The following PHF14 variants were observed in gnomAD, a reference collection of about 807,000 sequenced individuals.
PHF14 encodes PHD finger protein 14.
Under a neutral mutation model 117.9 loss-of-function variants are expected in PHF14, and 55 were observed. The ratio of observed to expected loss-of-function variants is 0.47; its 90% CI spans 0.38 to 0.58. PHF14 has a LOEUF of 0.58. Ranked by LOEUF, PHF14 falls within the 20% of genes least tolerant of loss-of-function variation. The probability of loss-of-function intolerance (pLI) is 0.00; values close to 1 mark genes in which losing one functional copy is unlikely to be tolerated. For missense variants in PHF14, 978 were observed against 1,122.2 expected, an observed-to-expected ratio of 0.87 and a Z score of 1.84; for synonymous variants, 409 against 368.6, an observed-to-expected ratio of 1.11 and a Z score of -1.26.
intron 13 of PHF14, among the ~76,000 whole-genome samples, chr7:11,049,198 C>T (rs370973342): frequency 1.3e-5 from 2 of 152,006 alleles, no homozygotes; most frequent in East Asian, 1.9e-4. Context: ...TAGAGCCTGG[C>T]GCGGTGGCTC....
chr7:11,063,545 T>G, intron 16 of PHF14: 1 of 974,890 alleles, frequency 1.0e-6, no homozygotes, highest in African/African-American at 1.7e-5. Context: ...GAGCTGGTGA[T>G]CCTTTTATTA....
chr7:10,999,653 A>G (rs953848290), intron 4 of PHF14, among the ~76,000 whole-genome samples: 4 of 152,358 alleles, frequency 2.6e-5, no homozygotes, highest in Non-Finnish European at 5.9e-5. Flanking sequence ...TGACATGCTT[A>G]CAGCTATTGA....
intron 17 of PHF14, among the ~76,000 whole-genome samples, chr7:11,165,692 G>A (rs892812910): frequency 1.2e-4 from 19 of 152,176 alleles, no homozygotes; most frequent in African/African-American, 4.6e-4. Context: ...GGAAGGAAAA[G>A]AATGGATAGG....
At chr7:11,165,307 C>G (rs1307583668) in intron 17 of PHF14, among the ~76,000 whole-genome samples, 2 of 152,122 alleles carry the variant, frequency 1.3e-5, no homozygotes, top group African/African-American at 2.4e-5. Context: ...AGGTTATACC[C>G]TGTTGGGAAG....
At chr7:11,096,473 T>A (rs1039285184) in intron 16 of PHF14, among the ~76,000 whole-genome samples, 1 of 152,198 alleles carries the variant, frequency 6.6e-6, no homozygotes, top group Non-Finnish European at 1.5e-5. Flanking sequence ...AGTTTTTGAA[T>A]GCTAATACAG....
intron 16 of PHF14, chr7:11,062,343 A>T (rs905339155): frequency 3.9e-5 from 10 of 254,722 alleles, no homozygotes; most frequent in African/African-American, 1.3e-4. Context: ...AGAGAAATTG[A>T]CAGTGCTCTC....
chr7:11,148,310 T>C (rs1788609264), intron 17 of PHF14, among the ~76,000 whole-genome samples: 1 of 152,202 alleles, frequency 6.6e-6, no homozygotes, highest in Non-Finnish European at 1.5e-5. Flanking sequence ...GTAGTCAACT[T>C]AACTTTTCAT....
chr7:11,047,074 T>C (rs905144015), intron 13 of PHF14, among the ~76,000 whole-genome samples: 7 of 152,102 alleles, frequency 4.6e-5, no homozygotes, highest in African/African-American at 1.7e-4. Flanking sequence ...CTTTCTTTTT[T>C]TTTTCTTTTT....
At chr7:11,115,745 T>C (rs1465214858) in intron 17 of PHF14, among the ~76,000 whole-genome samples, 2 of 152,082 alleles carry the variant, frequency 1.3e-5, no homozygotes, top group African/African-American at 4.8e-5. Flanking sequence ...CATTTAGTTT[T>C]CATATTTCTT....
intron 7 of PHF14, among the ~76,000 whole-genome samples, chr7:11,035,363 A>C (rs946098030): frequency 5.9e-5 from 9 of 152,130 alleles, no homozygotes; most frequent in Non-Finnish European, 1.3e-4. Flanking sequence ...CTACTATACA[A>C]GTACACCCAA....
intron 16 of PHF14, among the ~76,000 whole-genome samples, chr7:11,089,891 C>T (rs1786577771): frequency 6.6e-6 from 1 of 151,762 alleles, no homozygotes; most frequent in Admixed American, 6.6e-5. Context: ...CTGCCTCAGC[C>T]TCCCGAGTAA....
intron 16 of PHF14, chr7:11,109,285 G>A (rs1224565546): frequency 6.6e-6 from 1 of 151,704 alleles, no homozygotes; most frequent in Non-Finnish European, 1.5e-5. Context: ...TACAAAAATT[G>A]AATACAAGAA....
At chr7:11,146,205 T>C (rs1009059646) in intron 17 of PHF14, among the ~76,000 whole-genome samples, 2 of 152,148 alleles carry the variant, frequency 1.3e-5, no homozygotes, top group African/African-American at 4.8e-5. Flanking sequence ...AATTTTTATA[T>C]GATTTAAGAC....
chr7:11,083,973 A>T (rs1395883872), intron 16 of PHF14, among the ~76,000 whole-genome samples: 1 of 152,208 alleles, frequency 6.6e-6, no homozygotes, highest in East Asian at 1.9e-4. Context: ...AGCAAAGTTT[A>T]TGGAGAACTT....
chr7:11,007,964 T>G (rs1055160341), intron 4 of PHF14, among the ~76,000 whole-genome samples: 3 of 152,196 alleles, frequency 2.0e-5, no homozygotes, highest in Non-Finnish European at 4.4e-5. Flanking sequence ...AGGGCTGCAG[T>G]GTGTCACTTA....
chr7:11,092,776 T>G (rs1237703583), intron 16 of PHF14, among the ~76,000 whole-genome samples: 1 of 152,192 alleles, frequency 6.6e-6, no homozygotes, highest in Non-Finnish European at 1.5e-5. Flanking sequence ...TCATTGACTC[T>G]TAGGGCTTTT....
At chr7:11,010,721 T>C (rs1468007842) in intron 4 of PHF14, among the ~76,000 whole-genome samples, 1 of 152,020 alleles carries the variant, frequency 6.6e-6, no homozygotes, top group East Asian at 1.9e-4. Flanking sequence ...CCCAGGCTGG[T>C]TCACTGGCAC....
intron 6 of PHF14, among the ~76,000 whole-genome samples, chr7:11,027,936 T>C (rs1783981223): frequency 1.3e-5 from 2 of 152,148 alleles, no homozygotes; most frequent in Non-Finnish European, 2.9e-5. Flanking sequence ...TTTACTTTAA[T>C]TTCCTCATGT....
intron 16 of PHF14, among the ~76,000 whole-genome samples, chr7:11,080,638 CTTCA>C (rs1279206071): frequency 6.6e-6 from 1 of 152,060 alleles, no homozygotes; most frequent in African/African-American, 2.4e-5. Context: ...AATTCTTTGT[CTTCA>C]TTTTATCTTA....
Sources: gnomAD v4.1 joint callset for allele counts (sites outside exome capture counted in the v4.1 genomes callset) on GRCh38, gnomAD v4.1.1 for gene constraint, MANE v1.5 for transcripts, NCBI Gene and HGNC (gene_info 2026-07-23, HGNC 2026-07-21) for gene names.